The following PIK3R3 variants were observed in gnomAD, a reference collection of about 807,000 sequenced individuals.
PIK3R3 encodes phosphatidylinositol 3-kinase regulatory subunit gamma.
Under a neutral mutation model 62.9 loss-of-function variants are expected in PIK3R3, and 64 were observed. That is an observed-to-expected ratio of 1.02 (90% CI 0.83 to 1.25). The LOEUF (loss-of-function observed/expected upper bound fraction) is 1.25. Ranked by LOEUF, PIK3R3 falls within the 50% of genes most tolerant of loss-of-function variation. The probability of loss-of-function intolerance (pLI) is 0.00; values close to 1 mark genes in which losing one functional copy is unlikely to be tolerated. For missense variants in PIK3R3, 614 were observed against 561.6 expected (o/e 1.09, Z -0.94); for synonymous variants, 165 against 189.0 (o/e 0.87, Z 1.04).
chr1:46,128,984 T>A (rs1045332207), intron 1 of PIK3R3, among the ~76,000 whole-genome samples: 2 of 151,384 alleles, frequency 1.3e-5, no homozygotes, highest in East Asian at 3.9e-4. Flanking sequence ...GGCAGGAGAA[T>A]CACTTGAACT....
At chr1:46,059,050 T>C (rs1179197254) in intron 6 of PIK3R3, among the ~76,000 whole-genome samples, 1 of 152,334 alleles carries the variant, frequency 6.6e-6, no homozygotes, top group South Asian at 2.1e-4. Flanking sequence ...TCCCCACTAC[T>C]GTTCTCATTG....
the PIK3R3 span, among the ~76,000 whole-genome samples, chr1:46,173,575 G>A: frequency 3.9e-5 from 6 of 152,224 alleles, no homozygotes; most frequent in African/African-American, 1.4e-4. Context: ...AACTCTGGCA[G>A]GGTGGGAGAG....
intron 1 of PIK3R3, among the ~76,000 whole-genome samples, chr1:46,108,037 T>C (rs907741666): frequency 1.3e-5 from 2 of 152,218 alleles, no homozygotes; most frequent in Admixed American, 1.3e-4. Flanking sequence ...TGTCAAATAA[T>C]TGTCTTCATG....
rs543467646 is a variant in PIK3R3, at chr1:46,131,778, C to T, written c.106+69G>A. The T allele has an allele frequency of 4.7e-6, 7 of 1,475,184 alleles. 1 individual carries two copies. The South Asian group carries it at 5.7e-5, about 12-fold the overall frequency. 91.4% of individuals were successfully genotyped at this position (1,475,184 alleles called of 1,614,324 possible). Reference sequence around the variant, plus strand: ...CCCAGGAATACTTCTGCCCTGAAAACATCAGCAAGCTCTTGGTAAATACAA... The same window carrying T: ...CCCAGGAATACTTCTGCCCTGAAAATATCAGCAAGCTCTTGGTAAATACAA... On this transcript the variant is annotated intron_variant, in intron 1 of 9. Transcript: ENST00000262741.
intron 1 of PIK3R3, among the ~76,000 whole-genome samples, chr1:46,082,840 A>T (rs1259563744): frequency 6.6e-6 from 1 of 152,108 alleles, no homozygotes; most frequent in Non-Finnish European, 1.5e-5. Flanking sequence ...GGAGGCGGAC[A>T]GATCAGCTGA....
chr1:46,068,691 G>A (rs1020668276), intron 3 of PIK3R3, among the ~76,000 whole-genome samples: 1 of 152,156 alleles, frequency 6.6e-6, no homozygotes, highest in Non-Finnish European at 1.5e-5. Context: ...TGCGGTAAGG[G>A]CATGCTTGGC....
rs1180817100 is a variant in PIK3R3 at position 46,040,361 on chromosome 1, C to T, written c.*3312G>A. 4.3e-6 allele frequency: 1 copy of T among 231,620 alleles called. No individual in the cohort carries two copies. Among genetic ancestry groups the T allele is most frequent in the Non-Finnish European group, 8.6e-6 (1 of 116,850 alleles). 14.3% of individuals were successfully genotyped at this position (231,620 alleles called of 1,614,324 possible). A position where few individuals can be genotyped will look rare whatever the true frequency, so the allele number is the denominator to read the frequency against. ...ATGAACTGTCCCATCACAAGACATA[C>T]AGTTGGCTTTCTTGTGAGTCAGATA... On this transcript the variant is annotated 3_prime_UTR_variant, in exon 10 of 10. Coordinates refer to ENST00000262741, the MANE Select transcript of PIK3R3 (RefSeq NM_003629.4).
intron 2 of PIK3R3, among the ~76,000 whole-genome samples, chr1:46,079,989 T>C (rs1650427590): frequency 6.6e-6 from 1 of 151,524 alleles, no homozygotes; most frequent in Non-Finnish European, 1.5e-5. Flanking sequence ...CTTGTCACTT[T>C]TTCATGGGAA....
chr1:46,089,928 G>C (rs1557598631), intron 1 of PIK3R3, among the ~76,000 whole-genome samples: 1 of 151,978 alleles, frequency 6.6e-6, no homozygotes, highest in Non-Finnish European at 1.5e-5. Context: ...ACATCAAAAA[G>C]TGAAAAATTA....
chr1:46,053,853 T>C (rs766773928), intron 7 of PIK3R3, among the ~76,000 whole-genome samples: 12 of 152,214 alleles, frequency 7.9e-5, no homozygotes, highest in Non-Finnish European at 1.2e-4. Flanking sequence ...TGTTTTGGTG[T>C]ATAGCATAGC....
intron 1 of PIK3R3, among the ~76,000 whole-genome samples, chr1:46,118,554 CTTTT>C (rs1291550266): frequency 3.0e-5 from 4 of 132,204 alleles, no homozygotes; most frequent in Middle Eastern, 3.8e-3. Flanking sequence ...CATTACTTGT[CTTTT>C]TTTTTTTTTT....
chr1:46,080,367 T>A (rs1650465928), intron 2 of PIK3R3, among the ~76,000 whole-genome samples: 1 of 151,850 alleles, frequency 6.6e-6, no homozygotes, highest in South Asian at 2.1e-4. Context: ...CGGCCTTAAA[T>A]GGTAATCTTT....
the PIK3R3 span, among the ~76,000 whole-genome samples, chr1:46,141,823 C>A: frequency 1.1e-4 from 17 of 152,124 alleles, no homozygotes; most frequent in African/African-American, 3.6e-4. Context: ...AAATCCCAGG[C>A]CAAAACAACA....
At chr1:46,080,815 A>G in intron 1 of PIK3R3, 65 bp from the exon 2 acceptor site, 2 of 1,012,068 alleles carry the variant, frequency 2.0e-6, no homozygotes, top group South Asian at 2.7e-5. Context: ...TTTCCTCAGG[A>G]GCAGCTCACT....
intron 4 of PIK3R3, 49 bp from the exon 5 acceptor site, chr1:46,066,228 G>A: frequency 7.6e-7 from 1 of 1,316,268 alleles, no homozygotes; most frequent in Non-Finnish European, 1.1e-6. Context: ...TCTGACATAT[G>A]TGGAAATAGA....
At chr1:46,157,432 C>T in the PIK3R3 span, among the ~76,000 whole-genome samples, 1 of 152,136 alleles carries the variant, frequency 6.6e-6, no homozygotes. Flanking sequence ...CTGTGCCTGA[C>T]CATAGATTGG....
At chr1:46,105,252 C>A in intron 1 of PIK3R3, 1 of 337,664 alleles carries the variant, frequency 3.0e-6, no homozygotes. Flanking sequence ...ACCTGTAATC[C>A]CAGAACTTTG....
chr1:46,061,987 G>A lies in PIK3R3; in HGVS notation c.706C>T (p.His236Tyr). 1 of 1,612,438 alleles carries A rather than the reference G, an allele frequency of 6.2e-7. No homozygotes were observed. The highest frequency in any genetic ancestry group is 8.5e-7 in the Non-Finnish European group (1 of 1,178,652). Residue 236 changes from histidine (H) to tyrosine (Y), a missense_variant, in exon 6 of 10, where the codon CAT (histidine) becomes TAT (tyrosine). By Grantham distance (83) the His-to-Tyr change is moderately conservative. Transcript: ENST00000262741. ...FEEQCHTQEQHSKEYIERFRR... is the reference protein window; with the variant it reads ...FEEQCHTQEQYSKEYIERFRR... ...AATCGCTCAATATATTCTTTGCTAT[G>A]TTGTTCTTGTGTGTGACACTGCTCT...
upstream of PIK3R3, chr1:46,134,782 T>G (rs1373585069): frequency 6.6e-6 from 1 of 152,242 alleles, no homozygotes; most frequent in Non-Finnish European, 1.5e-5. Flanking sequence ...CTGGACCACT[T>G]TTCAGCATTT....
Sources: allele counts gnomAD v4.1 joint callset (sites outside exome capture counted in the v4.1 genomes callset), GRCh38; gene constraint gnomAD v4.1.1; transcripts MANE v1.5; gene names NCBI Gene and HGNC (gene_info 2026-07-23, HGNC 2026-07-21).